The following NAB1 variants were observed in gnomAD, a reference collection of about 807,000 sequenced individuals.
NAB1 encodes the protein NGFI-A binding protein 1, also known as NGFI-A-binding protein 1.
Under a neutral mutation model 49.9 loss-of-function variants are expected in NAB1, and 25 were observed. The observed-to-expected ratio is 0.50, with a 90% confidence interval of 0.37 to 0.70. The LOEUF is 0.70. Among genes scored for constraint, NAB1 ranks in the 30% least tolerant of loss-of-function variants. The pLI is 0.00. For missense variants in NAB1, 489 were observed against 575.9 expected, an observed-to-expected ratio of 0.85 and a Z score of 1.54; for synonymous variants, 198 against 215.6, an observed-to-expected ratio of 0.92 and a Z score of 0.71.
intron 6 of NAB1, among the ~76,000 whole-genome samples, chr2:190,683,139 C>G (rs57780226): frequency 0.23 from 34,886 of 151,654 alleles, 4,154 homozygotes; most frequent in East Asian, 0.3. Context: ...CTCACTTTAT[C>G]ACCCTTTGTC....
intron 2 of NAB1, among the ~76,000 whole-genome samples, chr2:190,650,910 C>T (rs1693631353): frequency 6.6e-6 from 1 of 152,116 alleles, no homozygotes; most frequent in Non-Finnish European, 1.5e-5. Flanking sequence ...GATATTGGAA[C>T]ATTAGGTCTT....
At chr2:190,671,839 G>T (rs1302519955) in intron 5 of NAB1, among the ~76,000 whole-genome samples, 6 of 129,790 alleles carry the variant, frequency 4.6e-5, no homozygotes, top group Admixed American at 3.0e-4. Flanking sequence ...GCAATAGCTC[G>T]ATCTTGGTTC....
At position 190,670,542 on chromosome 2, in the gene NAB1, G is replaced by A. The variant is rs1023234595; in HGVS notation, c.953+83G>A. ...AACATCATCTATTGATAGAATATAA[G>A]CATTTCTGAAAAAGTGGAAGTATGA... is the stretch of plus-strand genomic sequence containing the variant. On this transcript the variant is annotated intron_variant, in intron 5 of 9. Transcript: ENST00000337386. The surrounding 1 kb of genome is among the most constrained non-coding windows in gnomAD (Gnocchi z 5.3). 1.4e-6 allele frequency: 2 copies of A among 1,409,224 alleles called. No individual in the cohort carries two copies. The highest frequency in any genetic ancestry group is 1.9e-6 in the Non-Finnish European group (2 of 1,028,324). 87.3% of individuals were successfully genotyped at this position (1,409,224 alleles called of 1,614,324 possible). A position where few individuals can be genotyped will look rare whatever the true frequency, so the allele number is the denominator to read the frequency against.
At position 190,659,725 on chromosome 2, in the gene NAB1, C is replaced by A. The variant is rs745576664; in HGVS notation, c.549C>A (p.Ser183=). The change falls in exon 4 of 10, where the codon TCC becomes TCA. Residue 183 remains serine (S), a synonymous_variant. Transcript: ENST00000337386. This position sits in a 1 kb window ranked among gnomAD's most constrained non-coding sequence, Gnocchi z 6.2. ...CAGCAGACCTGGGCTCCCCCGCGTC[C>A]CCAAAGGAGAGCAGTGAGGCGCTGG... ...LSPADLGSPA[S]PKESSEALDA... 72 of 1,613,872 alleles carry A rather than the reference C, an allele frequency of 4.5e-5. No individual in the cohort carries two copies. The highest frequency in any genetic ancestry group is 5.8e-5 in the Non-Finnish European group (69 of 1,179,976).
At position 190,677,664 on chromosome 2, in the gene NAB1, T is replaced by C. The variant is rs1695139406; in HGVS notation, c.1005+4512T>C. Reference sequence around the variant, plus strand: ...TCCCTACTAGACATTTGGAATTCATTATCACAAACATTCTTGTCTAACCTA... The same window carrying C: ...TCCCTACTAGACATTTGGAATTCATCATCACAAACATTCTTGTCTAACCTA... On this transcript the variant is annotated intron_variant, in intron 6 of 9. Transcript: ENST00000337386. The surrounding 1 kb of genome is among the most constrained non-coding windows in gnomAD (Gnocchi z 5.6). 6.6e-6 allele frequency: 1 copy of C among 152,256 alleles called. No homozygotes were observed. The highest frequency in any genetic ancestry group is 6.5e-5 in the Admixed American group (1 of 15,288). The allele number at this position is 152,256 out of a possible 1,614,324, so 9.4% of individuals were successfully genotyped here.
intron 4 of NAB1, among the ~76,000 whole-genome samples, chr2:190,662,944 A>G (rs555052660): frequency 7.9e-5 from 12 of 152,310 alleles, no homozygotes; most frequent in Admixed American, 7.8e-4. Flanking sequence ...TGCCAAGCTT[A>G]GGTCAGTTTC....
In NAB1 at chr2:190,651,776, G is replaced by T. The variant is rs963555514; in HGVS notation, c.-197+1794G>T. 2.0e-5 allele frequency among the ~76,000 whole-genome samples: 3 copies of T among 152,100 alleles called. No individual in the cohort carries two copies. The highest frequency in any genetic ancestry group is 7.2e-5 in the African/African-American group (3 of 41,404). ...ATCTTTGTAAAATTTACCTTTAAATGCAAAGCTGTGTTTTGGATGGAAGTG... is the reference window on the plus strand; with the variant it reads ...ATCTTTGTAAAATTTACCTTTAAATTCAAAGCTGTGTTTTGGATGGAAGTG... On this transcript the variant is annotated intron_variant, in intron 2 of 9. Coordinates refer to ENST00000337386, the MANE Select transcript of NAB1 (RefSeq NM_005966.4). The surrounding 1 kb of genome is among the most constrained non-coding windows in gnomAD (Gnocchi z 4.3).
intron 3 of NAB1, among the ~76,000 whole-genome samples, chr2:190,658,013 A>T (rs926424240): frequency 2.0e-5 from 3 of 152,020 alleles, no homozygotes; most frequent in African/African-American, 7.3e-5. Flanking sequence ...TACTTGGCCA[A>T]CTCCTCTTTG....
Position 190,675,856 on chromosome 2 carries a change from CGT to C in NAB1, c.1005+2713_1005+2714del, listed in dbSNP as rs757312705. 1.3e-5 allele frequency among the ~76,000 whole-genome samples: 2 copies of C among 152,062 alleles called. No homozygotes were observed. The highest frequency in any genetic ancestry group is 4.2e-4 in the South Asian group (2 of 4,818). ...TTGCAGGTCATCAGTATCTCTTGAA[CGT>C]GTGTGTGTCTTGTGTGTATGTATAC... is the stretch of plus-strand genomic sequence containing the variant. On this transcript the variant is annotated intron_variant, in intron 6 of 9. Transcript: ENST00000337386. The surrounding 1 kb of genome is among the most constrained non-coding windows in gnomAD (Gnocchi z 5.2).
At position 190,668,295 on chromosome 2, in the gene NAB1, A is replaced by G. The variant is rs534194771; in HGVS notation, c.820-2031A>G. ...ATTGGATATGTGTGCAAAGGTACAC[A>G]TTTAAGAATCTCTTATGCAGCTTTT... On this transcript the variant is annotated intron_variant, in intron 4 of 9. Transcript: ENST00000337386. Among the ~76,000 whole-genome samples, 4 of 152,332 alleles carry G rather than the reference A, an allele frequency of 2.6e-5. No individual in the cohort carries two copies. In the South Asian group the frequency reaches 8.3e-4, roughly 32 times the overall value.
At position 190,684,883 on chromosome 2, in the gene NAB1, A is replaced by G. The variant is rs541704846; in HGVS notation, c.1096-593A>G. Among the ~76,000 whole-genome samples the G allele has an allele frequency of 5.3e-5, 8 of 152,340 alleles. No individual in the cohort carries two copies. The highest frequency in any genetic ancestry group is 1.2e-4 in the African/African-American group (5 of 41,578). On this transcript the variant is annotated intron_variant, in intron 7 of 9. Coordinates refer to ENST00000337386, the MANE Select transcript of NAB1 (RefSeq NM_005966.4). This position sits in a 1 kb window ranked among gnomAD's most constrained non-coding sequence, Gnocchi z 4.6. ...TTGTATATTTAAAATATGCCTTTTT[A>G]TGATTGGTTGGGAAATACTGCAGTT...
chr2:190,668,387 A>G (rs1694631344), intron 4 of NAB1, among the ~76,000 whole-genome samples: 1 of 152,092 alleles, frequency 6.6e-6, no homozygotes, highest in Non-Finnish European at 1.5e-5. Context: ...TAAATAATAT[A>G]TGGTTGTTTT....
intron 5 of NAB1, among the ~76,000 whole-genome samples, chr2:190,671,186 C>T (rs1694786295): frequency 6.6e-6 from 1 of 152,096 alleles, no homozygotes; most frequent in African/African-American, 2.4e-5. Flanking sequence ...TAGAGTAACT[C>T]TAAGTTTTTG....
At position 190,670,360 on chromosome 2, in the gene NAB1, T is replaced by G; in HGVS notation, c.854T>G (p.Val285Gly). ...TVNEAAAQLC[V>G]KDNALLTRRD... is the part of the protein sequence containing the mutation. ...AATGAAGCGGCTGCTCAACTCTGTGTGAAGGATAATGCCCTGCTGACAAGA... is the reference window on the plus strand; with the variant it reads ...AATGAAGCGGCTGCTCAACTCTGTGGGAAGGATAATGCCCTGCTGACAAGA... The change falls in exon 5 of 10, where the codon GTG becomes GGG. Residue 285 changes from valine to glycine, a missense_variant. Transcript: ENST00000337386. The surrounding 1 kb of genome is among the most constrained non-coding windows in gnomAD (Gnocchi z 5.3). 1 of 1,613,980 alleles carries G rather than the reference T, an allele frequency of 6.2e-7. No homozygotes were observed. Among genetic ancestry groups the G allele is most frequent in the Non-Finnish European group, 8.5e-7 (1 of 1,179,916 alleles).
chr2:190,681,426 T>TAAATA (rs58381017), intron 6 of NAB1, among the ~76,000 whole-genome samples: 149,077 of 152,220 alleles, frequency 0.98, 73,075 homozygotes, highest in Middle Eastern at 1. Flanking sequence ...TCAGTCTAAA[T>TAAATA]AGAAAACTTA....
At position 190,678,918 on chromosome 2, in the gene NAB1, G is replaced by A. The variant is rs892179288; in HGVS notation, c.1006-4820G>A. On this transcript the variant is annotated intron_variant, in intron 6 of 9. Transcript: ENST00000337386. The surrounding 1 kb of genome is among the most constrained non-coding windows in gnomAD (Gnocchi z 4.9). ...CAAGTCATCTAGAGACAGCTAAGCAGTGGCTTTAAAGCAGCTTGCTAGTGT... is the reference window on the plus strand; with the variant it reads ...CAAGTCATCTAGAGACAGCTAAGCAATGGCTTTAAAGCAGCTTGCTAGTGT... 7.9e-5 allele frequency among the ~76,000 whole-genome samples: 12 copies of A among 152,232 alleles called. No homozygotes were observed. The highest frequency in any genetic ancestry group is 1.5e-4 in the Non-Finnish European group (10 of 68,026).
Position 190,675,529 on chromosome 2 carries a change from C to A in NAB1, c.1005+2377C>A, listed in dbSNP as rs1301913358. On this transcript the variant is annotated intron_variant, in intron 6 of 9. Coordinates refer to ENST00000337386, the MANE Select transcript of NAB1 (RefSeq NM_005966.4). The surrounding 1 kb of genome is among the most constrained non-coding windows in gnomAD (Gnocchi z 5.2). ...CACTAGAGATACTTGAGTTATAGTT[C>A]TATACGGTTAGTTTATTGGTTTACT... Among the ~76,000 whole-genome samples, 1 of 152,162 alleles carries A rather than the reference C, an allele frequency of 6.6e-6. No homozygotes were observed. The highest frequency in any genetic ancestry group is 2.4e-5 in the African/African-American group (1 of 41,436).
intron 9 of NAB1, among the ~76,000 whole-genome samples, chr2:190,687,734 C>T (rs532013400): frequency 3.3e-5 from 5 of 152,136 alleles, no homozygotes; most frequent in South Asian, 2.1e-4. Flanking sequence ...CTTCATATTC[C>T]GAACAATGAC....
chr2:190,659,570 G>T lies in NAB1; in HGVS notation c.394G>T (p.Ala132Ser). Residue 132 changes from alanine (A) to serine (S), a missense_variant, in exon 4 of 10, where the codon GCC becomes TCC. Transcript: ENST00000337386. This position sits in a 1 kb window ranked among gnomAD's most constrained non-coding sequence, Gnocchi z 6.2. ...EPHLKIPKCA[A>S]TTCVQSLGQG... ...TCATTTAAAAATCCCCAAATGTGCT[G>T]CCACCACCTGTGTGCAGAGCTTGGG... is the stretch of plus-strand genomic sequence containing the variant. 6.2e-7 allele frequency: 1 copy of T among 1,614,230 alleles called. No individual in the cohort carries two copies. The highest frequency in any genetic ancestry group is 8.5e-7 in the Non-Finnish European group (1 of 1,180,036).
Sources: gnomAD v4.1 joint callset for allele counts (sites outside exome capture counted in the v4.1 genomes callset) on GRCh38, gnomAD v4.1.1 for gene constraint, Gnocchi (gnomAD v3.1) non-coding constraint, MANE v1.5 for transcripts, NCBI Gene and HGNC (gene_info 2026-07-23, HGNC 2026-07-21) for gene names.